The following ALK variants were observed in gnomAD, a reference collection of about 807,000 sequenced individuals.
ALK encodes the protein ALK tyrosine kinase receptor.
ALK carries 74 observed loss-of-function variants against 163.1 expected under a neutral mutation model. The observed-to-expected ratio is 0.45, with a 90% CI of 0.38 to 0.55. The LOEUF is 0.55. Among genes scored for constraint, ALK ranks in the 20% least tolerant of loss-of-function variants. The probability of loss-of-function intolerance (pLI) is 0.00; values close to 1 mark genes in which losing one functional copy is unlikely to be tolerated. For synonymous variants in ALK, 960 were observed against 843.2 expected (o/e 1.14, Z -2.40); for missense variants, 2,063 against 2,105.3 (o/e 0.98, Z 0.39).
At chr2:29,383,696 G>T (rs764173696) in intron 5 of ALK, 36 bp downstream of exon 5, 4 of 1,613,520 alleles carry the variant, frequency 2.5e-6, no homozygotes, top group Admixed American at 1.7e-5. Context: ...AACACAATAG[G>T]CTACCAAGGA....
At chr2:29,386,540 A>G (rs1203466677) in intron 4 of ALK, among the ~76,000 whole-genome samples, 1 of 152,240 alleles carries the variant, frequency 6.6e-6, no homozygotes, top group Non-Finnish European at 1.5e-5. Flanking sequence ...GAAAGGCAGG[A>G]GTATTCATAT....
At chr2:29,913,445 T>G (rs1422716882) in intron 1 of ALK, among the ~76,000 whole-genome samples, 2 of 152,156 alleles carry the variant, frequency 1.3e-5, no homozygotes, top group Non-Finnish European at 2.9e-5. Context: ...AGAGCCCTGG[T>G]CATCACAAGG....
intron 4 of ALK, among the ~76,000 whole-genome samples, chr2:29,485,287 C>A (rs190584765): frequency 6.6e-6 from 1 of 152,190 alleles, no homozygotes; most frequent in Non-Finnish European, 1.5e-5. Context: ...TCCATTTGAA[C>A]AAGACCATCC....
intron 3 of ALK, among the ~76,000 whole-genome samples, chr2:29,642,049 C>G (rs1467620246): frequency 2.0e-5 from 3 of 152,130 alleles, no homozygotes; most frequent in Non-Finnish European, 4.4e-5. Flanking sequence ...GCTTGGATGA[C>G]CTCTCAAGTT....
intron 3 of ALK, 80 bp downstream of exon 3, chr2:29,694,770 G>A: frequency 6.4e-7 from 1 of 1,552,170 alleles, no homozygotes; most frequent in African/African-American, 1.4e-5. Flanking sequence ...CAGGAGTGAA[G>A]TCTCATCATT....
intron 4 of ALK, among the ~76,000 whole-genome samples, chr2:29,473,953 T>G (rs535686842): frequency 2.8e-4 from 43 of 152,356 alleles, no homozygotes; most frequent in African/African-American, 1.0e-3. Context: ...GTTGAGACTA[T>G]GGAGCACATT....
At chr2:29,262,988 C>T (rs2148206618) in intron 11 of ALK, among the ~76,000 whole-genome samples, 1 of 152,364 alleles carries the variant, frequency 6.6e-6, no homozygotes, top group East Asian at 1.9e-4. Context: ...GGCCTCAGGG[C>T]TAATTTGGTT....
intron 1 of ALK, among the ~76,000 whole-genome samples, chr2:29,885,162 C>T (rs1485018632): frequency 6.6e-6 from 1 of 152,144 alleles, no homozygotes; most frequent in African/African-American, 2.4e-5. Context: ...TAAGGGACTA[C>T]CCTTTAAAGT....
At chr2:29,910,886 A>G (rs548472915) in intron 1 of ALK, among the ~76,000 whole-genome samples, 5 of 152,306 alleles carry the variant, frequency 3.3e-5, no homozygotes, top group Non-Finnish European at 5.9e-5. Flanking sequence ...CATAGAAATG[A>G]GAAACTCCAA....
At chr2:29,666,819 T>G (rs1677526231) in intron 3 of ALK, among the ~76,000 whole-genome samples, 1 of 152,038 alleles carries the variant, frequency 6.6e-6, no homozygotes, top group South Asian at 2.1e-4. Context: ...TATATATGTA[T>G]ATATTCTTCC....
intron 11 of ALK, among the ~76,000 whole-genome samples, chr2:29,252,835 A>T (rs6547914): frequency 0.97 from 144,294 of 149,338 alleles, 69,626 homozygotes; most frequent in South Asian, 1. Context: ...TTTTTTATTT[A>T]TTTTTTTTTA....
rs948993224 is a variant in ALK, at chr2:29,214,006, C to A, written c.3721G>T (p.Glu1241Ter). ...RDIACGCQYL[E>*]ENHFIHRDIA... ...CACCGGTGGATGAAGTGGTTTTCCT[C>A]CAAATACTGACAGCCACAGGCAATG... The change falls in exon 24 of 29, where the codon GAG (glutamate) becomes TAG (stop). Residue 1241 changes from glutamate (E) to a stop codon, truncating the protein, a stop_gained. Coordinates refer to ENST00000389048, the MANE Select transcript of ALK (RefSeq NM_004304.5). LOFTEE classifies it high-confidence loss of function. 6.2e-7 allele frequency: 1 copy of A among 1,613,940 alleles called. No individual in the cohort carries two copies. The highest frequency in any genetic ancestry group is 8.5e-7 in the Non-Finnish European group (1 of 1,179,896).
At chr2:29,728,925 G>A (rs1679655393) in intron 1 of ALK, among the ~76,000 whole-genome samples, 1 of 152,210 alleles carries the variant, frequency 6.6e-6, no homozygotes, top group Non-Finnish European at 1.5e-5. Flanking sequence ...AATGCCTGCT[G>A]CCTTCTCCTG....
intron 3 of ALK, among the ~76,000 whole-genome samples, chr2:29,542,705 T>C (rs2148167495): frequency 6.6e-6 from 1 of 152,334 alleles, no homozygotes; most frequent in Non-Finnish European, 1.5e-5. Context: ...GATCTTTCTT[T>C]AACTTTAAAG....
chr2:29,732,293 T>C (rs192866691), intron 1 of ALK, among the ~76,000 whole-genome samples: 1 of 152,272 alleles, frequency 6.6e-6, no homozygotes, highest in Admixed American at 6.5e-5. Flanking sequence ...ACCAAGCAAC[T>C]GCTGTAGTCA....
chr2:29,302,164 T>C (rs966762375), intron 8 of ALK, among the ~76,000 whole-genome samples: 2 of 152,200 alleles, frequency 1.3e-5, no homozygotes, highest in Admixed American at 1.3e-4. Flanking sequence ...AGTAAAGACT[T>C]AGGTCCAGAC....
intron 4 of ALK, among the ~76,000 whole-genome samples, chr2:29,467,650 G>A (rs1337253890): frequency 1.3e-5 from 2 of 152,106 alleles, no homozygotes; most frequent in Non-Finnish European, 2.9e-5. Context: ...GTGTGGCTCG[G>A]GGGCCCTGAG....
chr2:29,541,019 T>C (rs1379393483), intron 3 of ALK, among the ~76,000 whole-genome samples: 1 of 152,152 alleles, frequency 6.6e-6, no homozygotes, highest in Non-Finnish European at 1.5e-5. Context: ...TTCCAGACAT[T>C]AGCCTTTTTT....
intron 3 of ALK, among the ~76,000 whole-genome samples, chr2:29,581,401 T>C (rs1674686349): frequency 6.6e-6 from 1 of 151,554 alleles, no homozygotes; most frequent in Admixed American, 6.6e-5. Flanking sequence ...TAAAATAAAA[T>C]AAAATAAAAG....
Sources: allele counts gnomAD v4.1 joint callset (sites outside exome capture counted in the v4.1 genomes callset), GRCh38; gene constraint gnomAD v4.1.1; transcripts MANE v1.5; gene names NCBI Gene and HGNC (gene_info 2026-07-23, HGNC 2026-07-21).